ARL6IP6: variants seen among roughly 807,000 people sequenced by gnomAD.
ARL6IP6 encodes ADP-ribosylation factor-like protein 6-interacting protein 6.
A neutral mutation model predicts 21.5 loss-of-function variants in ARL6IP6; 22 were observed. That is an observed-to-expected ratio of 1.02 (90% confidence interval 0.73 to 1.46). The LOEUF (loss-of-function observed/expected upper bound fraction) is 1.46. Among genes scored for constraint, ARL6IP6 ranks in the 40% most tolerant of loss-of-function variants. The probability of loss-of-function intolerance (pLI) is 0.00; values close to 1 mark genes in which losing one functional copy is unlikely to be tolerated. For missense variants in ARL6IP6, 388 were observed against 299.8 expected, an observed-to-expected ratio of 1.29 and a Z score of -2.17; for synonymous variants, 164 against 125.3, an observed-to-expected ratio of 1.31 and a Z score of -2.06.
At chr2:152,734,423 G>A (rs1459493332) in intron 2 of ARL6IP6, among the ~76,000 whole-genome samples, 1 of 152,190 alleles carries the variant, frequency 6.6e-6, no homozygotes, top group East Asian at 1.9e-4. Flanking sequence ...TGGAATGAAA[G>A]GAATCACTTA....
intron 3 of ARL6IP6, among the ~76,000 whole-genome samples, chr2:152,755,778 C>T (rs559406332): frequency 8.4e-4 from 128 of 152,310 alleles, no homozygotes; most frequent in African/African-American, 3.0e-3. Flanking sequence ...CCCCCGGGCC[C>T]AGCTGTCTTT....
rs559566982 is a variant in ARL6IP6, at chr2:152,718,950, T to A, written c.326T>A (p.Leu109His). The A allele has an allele frequency of 6.8e-6, 11 of 1,608,854 alleles. No individual in the cohort carries two copies. The South Asian group carries it at 1.0e-4, about 15-fold the overall frequency. Residue 109 changes from leucine (L) to histidine (H), a missense_variant, in exon 1 of 4, where the codon CTC becomes CAC. Coordinates refer to ENST00000326446, the MANE Select transcript of ARL6IP6 (RefSeq NM_152522.7). ...CCTCGGCGGTGGCCGGTCCAGGTCC[T>A]CTCTATTCTCTGCTCGCTGCTCTTC... ...AQPRRWPVQV[L>H]SILCSLLFAI...
At chr2:152,758,327 C>G (rs1701680267) in intron 3 of ARL6IP6, among the ~76,000 whole-genome samples, 1 of 151,762 alleles carries the variant, frequency 6.6e-6, no homozygotes, top group South Asian at 2.1e-4. Context: ...ATTCTACCTG[C>G]TTGGTTCATT....
At chr2:152,745,599 G>A (rs1020415041) in intron 3 of ARL6IP6, among the ~76,000 whole-genome samples, 1 of 152,180 alleles carries the variant, frequency 6.6e-6, no homozygotes, top group Non-Finnish European at 1.5e-5. Context: ...CTTTGATACA[G>A]ATTTTGGAGA....
chr2:152,719,800 C>T, intron 1 of ARL6IP6: 3 of 323,590 alleles, frequency 9.3e-6, no homozygotes, highest in Middle Eastern at 5.3e-4. Flanking sequence ...GTATGAAAAG[C>T]ACCCAAAACA....
Position 152,759,753 on chromosome 2 carries a change from G to T in ARL6IP6, c.594G>T (p.Leu198=). 1.2e-6 allele frequency: 2 copies of T among 1,612,086 alleles called. No individual in the cohort carries two copies. The highest frequency in any genetic ancestry group is 2.2e-5 in the South Asian group (2 of 90,926). The change falls in exon 4 of 4, where the codon CTG becomes CTT. Residue 198 remains leucine, a synonymous_variant. Transcript: ENST00000326446. The part of the protein sequence containing the change: ...TPLSPARFKK[L]TGHSFHMGYS... ...TGTTTTTCTTTTTTTCTAGGAAACT[G>T]ACTGGACATTCTTTCCACATGGGCT...
In ARL6IP6 at chr2:152,721,798, G is replaced by A. The variant is rs192027494; in HGVS notation, c.454+1212G>A. Among the ~76,000 whole-genome samples, 41 of 152,298 alleles carry A rather than the reference G, an allele frequency of 2.7e-4. No homozygotes were observed. In the East Asian group the frequency reaches 7.7e-3, roughly 29 times the overall value. ...AGTGTACCTTATTTCAGCAGAAGGG[G>A]AAACATGAACCCTTTATCTTCAAAT... On this transcript the variant is annotated intron_variant, in intron 2 of 3. Coordinates refer to ENST00000326446, the MANE Select transcript of ARL6IP6 (RefSeq NM_152522.7).
At chr2:152,731,489 C>T (rs980727377) in intron 2 of ARL6IP6, among the ~76,000 whole-genome samples, 3 of 152,132 alleles carry the variant, frequency 2.0e-5, no homozygotes, top group African/African-American at 7.2e-5. Flanking sequence ...TTCCTGTATT[C>T]TTGAGGCATG....
chr2:152,756,325 AT>A (rs374078189), intron 3 of ARL6IP6, among the ~76,000 whole-genome samples: 1 of 152,174 alleles, frequency 6.6e-6, no homozygotes, highest in Non-Finnish European at 1.5e-5. Context: ...ATACACATTA[AT>A]TTGAGATGAA....
In ARL6IP6 at chr2:152,735,041, T is replaced by A; in HGVS notation, c.502T>A (p.Cys168Ser). Residue 168 changes from cysteine (C) to serine (S), a missense_variant, in exon 3 of 4, where the codon TGC becomes AGC. Transcript: ENST00000326446. Reference protein sequence around the residue: ...IISLTAGFSCCSFSWTVTYFD... With the variant: ...IISLTAGFSCSSFSWTVTYFD... ...ATCCCTAACTGCTGGATTCTCCTGT[T>A]GCAGCTTTTCTTGGACAGTGACTTA... The A allele has an allele frequency of 6.2e-7, 1 of 1,613,474 alleles. No homozygotes were observed. Among genetic ancestry groups the A allele is most frequent in the Non-Finnish European group, 8.5e-7 (1 of 1,179,440 alleles).
At chr2:152,724,839 A>G (rs780665822) in intron 2 of ARL6IP6, among the ~76,000 whole-genome samples, 1 of 152,084 alleles carries the variant, frequency 6.6e-6, no homozygotes, top group Non-Finnish European at 1.5e-5. Context: ...GCATGCTGCT[A>G]GTTAGGGGGC....
rs1574015320 is a variant in ARL6IP6 at position 152,724,152 on chromosome 2, A to G, written c.454+3566A>G. Among the ~76,000 whole-genome samples, 4 of 151,566 alleles carry G rather than the reference A, an allele frequency of 2.6e-5. No individual in the cohort carries two copies. The East Asian group carries it at 5.8e-4, about 22-fold the overall frequency. On this transcript the variant is annotated intron_variant, in intron 2 of 3. Transcript: ENST00000326446. ...AGAGAGAAAGCCAAAAAGGACTGGA[A>G]GGATATAATCAAAATGTTAGTTTAT... is the stretch of plus-strand genomic sequence containing the variant.
intron 2 of ARL6IP6, among the ~76,000 whole-genome samples, chr2:152,723,599 T>A (rs1443046346): frequency 6.6e-6 from 1 of 152,200 alleles, no homozygotes; most frequent in Non-Finnish European, 1.5e-5. Flanking sequence ...CTAGACAGAC[T>A]GACAAAAATT....
intron 3 of ARL6IP6, among the ~76,000 whole-genome samples, chr2:152,746,821 CTTTTTTTTTTT>C (rs61506535): frequency 6.0e-5 from 2 of 33,082 alleles, no homozygotes; most frequent in African/African-American, 1.4e-4. Flanking sequence ...TTTATCCTTT[CTTTTTTTTTTT>C]TTTTTTTTTT....
intron 1 of ARL6IP6, 75 bp from the exon 2 acceptor site, chr2:152,720,458 T>C (rs765197193): frequency 1.4e-6 from 2 of 1,421,950 alleles, no homozygotes; most frequent in Middle Eastern, 1.8e-4. Flanking sequence ...AGCTCCACAA[T>C]GCCTTCACAG....
rs769717182 is a variant in ARL6IP6, at chr2:152,735,028, T to A, written c.489T>A (p.Ala163=). The A allele has an allele frequency of 1.2e-6, 2 of 1,613,398 alleles. No homozygotes were observed. Among genetic ancestry groups the A allele is most frequent in the East Asian group, 4.5e-5 (2 of 44,830 alleles). Residue 163 remains alanine (A), a synonymous_variant, in exon 3 of 4, where the codon GCT becomes GCA. Transcript: ENST00000326446. ...FWTLLIISLT[A]GFSCCSFSWT... ...CTCTACTTATAATATCCCTAACTGC[T>A]GGATTCTCCTGTTGCAGCTTTTCTT...
In ARL6IP6 at chr2:152,743,062, C is replaced by T. The variant is rs542957204; in HGVS notation, c.587+7936C>T. On this transcript the variant is annotated intron_variant, in intron 3 of 3. Coordinates refer to ENST00000326446, the MANE Select transcript of ARL6IP6 (RefSeq NM_152522.7). Reference sequence around the variant, plus strand: ...AATTAACAGGCACTCTGAGCTTTTGCTATGTGGCAGTTTTGCCCCCACAGT... The same window carrying T: ...AATTAACAGGCACTCTGAGCTTTTGTTATGTGGCAGTTTTGCCCCCACAGT... Among the ~76,000 whole-genome samples, 14 of 152,292 alleles carry T rather than the reference C, an allele frequency of 9.2e-5. No homozygotes were observed. The South Asian group carries it at 2.9e-3, about 32-fold the overall frequency.
At chr2:152,719,149 GTCCTCATTTGCA>G in intron 1 of ARL6IP6, 125 bp downstream of exon 1, 6 of 1,121,220 alleles carry the variant, frequency 5.4e-6, no homozygotes, top group Middle Eastern at 4.3e-4. Flanking sequence ...TTCACCCAGA[GTCCTCATTTGCA>G]TCTTACTTTG....
At chr2:152,749,314 A>C (rs2346553) in intron 3 of ARL6IP6, among the ~76,000 whole-genome samples, 22,099 of 150,244 alleles carry the variant, frequency 0.15, 1,853 homozygotes, top group East Asian at 0.26. Flanking sequence ...CACACACAAA[A>C]ACACACACAC....
Sources: allele counts gnomAD v4.1 joint callset (sites outside exome capture counted in the v4.1 genomes callset), GRCh38; gene constraint gnomAD v4.1.1; transcripts MANE v1.5; gene names NCBI Gene and HGNC (gene_info 2026-07-23, HGNC 2026-07-21).